Variants in LAMC2 observed in about 807,000 individuals in gnomAD.
The protein encoded by LAMC2 is laminin subunit gamma 2, also known as laminin subunit gamma-2.
Under a neutral mutation model 140.2 loss-of-function variants are expected in LAMC2, and 97 were observed. The ratio of observed to expected loss-of-function variants is 0.69; its 90% CI spans 0.59 to 0.82. The LOEUF is 0.82. LAMC2 is among the 40% of genes least tolerant of loss of function. LAMC2 has a pLI of 0.00. For synonymous variants in LAMC2, 513 were observed against 540.2 expected (o/e 0.95, Z 0.70); for missense variants, 1,402 against 1,476.1 (o/e 0.95, Z 0.82).
In LAMC2 at chr1:183,218,292, C is replaced by T. The variant is rs562819538; in HGVS notation, c.405-98C>T. ...GAAGCCTCATCGAAGAAGGACTGCCCAGCTTCGTGATGTTTGCTCATGAGC... is the reference window on the plus strand; with the variant it reads ...GAAGCCTCATCGAAGAAGGACTGCCTAGCTTCGTGATGTTTGCTCATGAGC... On this transcript the variant is annotated intron_variant, in intron 3 of 22. Transcript: ENST00000264144. 4.6e-4 allele frequency: 451 copies of T among 980,094 alleles called. 1 individual carries two copies. The highest frequency in any genetic ancestry group is 6.5e-4 in the Non-Finnish European group (398 of 615,646). The allele number at this position is 980,094 out of a possible 1,614,324, so 60.7% of individuals were successfully genotyped here.
At chr1:183,249,928 C>T (rs1363211807), downstream of LAMC2, 1 of 152,124 alleles carries the variant, frequency 6.6e-6, no homozygotes, top group Non-Finnish European at 1.5e-5. Flanking sequence ...CACTTTCCCT[C>T]CCCACTCCCA....
chr1:183,200,835 C>T (rs545595499), intron 1 of LAMC2, among the ~76,000 whole-genome samples: 4 of 152,240 alleles, frequency 2.6e-5, no homozygotes, highest in Admixed American at 2.6e-4. Context: ...GCCTGGCGGT[C>T]TTTCCTAAGA....
chr1:183,218,564 G>A, intron 4 of LAMC2, 76 bp downstream of exon 4: 1 of 1,109,270 alleles, frequency 9.0e-7, no homozygotes, highest in Non-Finnish European at 1.4e-6. Flanking sequence ...TCCTCCGAGT[G>A]TAATTATGGA....
At chr1:183,232,071 C>G (rs1477108251) in intron 12 of LAMC2, 116 bp from the exon 13 acceptor site, 1 of 1,334,520 alleles carries the variant, frequency 7.5e-7, no homozygotes, top group Non-Finnish European at 1.1e-6. Flanking sequence ...TTTTAACCAC[C>G]ATGACATGCT....
Position 183,223,139 on chromosome 1 carries a change from A to G in LAMC2, c.768A>G (p.Lys256=), listed in dbSNP as rs143871142. The change falls in exon 7 of 23, where the codon AAA becomes AAG. Residue 256 remains lysine (K), a synonymous_variant. Coordinates refer to ENST00000264144, the MANE Select transcript of LAMC2 (RefSeq NM_005562.3). ...TTTTAAAACTCTGTTTCACAGCCAA[A>G]TTTCTTGGGAATCAACAGGTGAGCT... ...LDPVYFVAPA[K]FLGNQQVSYG... is the part of the protein sequence containing the mutation. 1.2e-5 allele frequency: 20 copies of G among 1,613,918 alleles called. No individual in the cohort carries two copies. Among genetic ancestry groups the G allele is most frequent in the Admixed American group, 1.7e-5 (1 of 60,006 alleles).
chr1:183,238,189 C>A, intron 18 of LAMC2, 118 bp from the exon 19 acceptor site: 2 of 751,178 alleles, frequency 2.7e-6, no homozygotes, highest in South Asian at 1.5e-5. Flanking sequence ...TTTGCTACAG[C>A]ACCCCTAGAC....
At chr1:183,252,912 GGTGACA>G in the LAMC2 span, among the ~76,000 whole-genome samples, 1 of 152,162 alleles carries the variant, frequency 6.6e-6, no homozygotes, top group Non-Finnish European at 1.5e-5. Context: ...TCCCCACCTT[GGTGACA>G]TCATTCATCG....
At chr1:183,224,705 C>CAG (rs1558091696) in intron 7 of LAMC2, among the ~76,000 whole-genome samples, 1 of 148,920 alleles carries the variant, frequency 6.7e-6, no homozygotes, top group Non-Finnish European at 1.5e-5. Flanking sequence ...CACACACACA[C>CAG]ACAGCTCTCC....
chr1:183,219,898 C>T (rs1461379381), intron 4 of LAMC2, among the ~76,000 whole-genome samples: 1 of 152,194 alleles, frequency 6.6e-6, no homozygotes, highest in Non-Finnish European at 1.5e-5. Context: ...CAGCCATGTA[C>T]CTGCTATATG....
chr1:183,230,294 T>C (rs1217581995), intron 11 of LAMC2, among the ~76,000 whole-genome samples: 2 of 152,176 alleles, frequency 1.3e-5, no homozygotes, highest in Non-Finnish European at 1.5e-5. Context: ...TACACAAATA[T>C]GTATGCAAAT....
intron 12 of LAMC2, 108 bp from the exon 13 acceptor site, chr1:183,232,079 G>A: frequency 4.3e-6 from 6 of 1,398,248 alleles, no homozygotes; most frequent in East Asian, 2.3e-5. Flanking sequence ...ACCATGACAT[G>A]CTAAGCATTT....
At position 183,223,331 on chromosome 1, in the gene LAMC2, A is replaced by G. The variant is rs1245970324; in HGVS notation, c.953+7A>G. On this transcript the variant is annotated splice_region_variant and intron_variant, in intron 7 of 22. Transcript: ENST00000264144. Reference sequence around the variant, plus strand: ...CCAAGACTTACACATTCAGGTAAAAAGAGAGACCATAAGTAGGTCAATTAG... The same window carrying G: ...CCAAGACTTACACATTCAGGTAAAAGGAGAGACCATAAGTAGGTCAATTAG... 6.8e-6 allele frequency: 11 copies of G among 1,613,824 alleles called. No homozygotes were observed. Among genetic ancestry groups the G allele is most frequent in the Non-Finnish European group, 9.3e-6 (11 of 1,179,810 alleles).
At position 183,226,704 on chromosome 1, in the gene LAMC2, G is replaced by T. The variant is rs768839308; in HGVS notation, c.1073G>T (p.Gly358Val). ...IRATYGEYSTGYIDNVTLISA... is the reference protein window; with the variant it reads ...IRATYGEYSTVYIDNVTLISA... ...CCTGTTCTCTCGATTGCAGGTACTG[G>T]GTACATTGACAATGTGACCCTGATT... Residue 358 changes from glycine to valine, a missense_variant, in exon 9 of 23, where the codon GGG becomes GTG. Gly to Val is a moderately radical substitution (Grantham distance 109). This residue lies in a region of LAMC2 where 723 missense variants were observed against 783.3 expected (regional missense o/e 0.92). Transcript: ENST00000264144. 3.7e-6 allele frequency: 6 copies of T among 1,614,002 alleles called. No individual in the cohort carries two copies. The highest frequency in any genetic ancestry group is 5.1e-6 in the Non-Finnish European group (6 of 1,179,982).
rs2296306 is a variant in LAMC2, at chr1:183,222,189, C to A, written c.741C>A (p.Asp247Glu). The A allele has an allele frequency of 0.043, 69,981 of 1,613,250 alleles. 2,108 individuals are homozygous for A. The highest frequency in any genetic ancestry group is 0.11 in the South Asian group (9,588 of 91,024). Reference sequence around the variant, plus strand: ...TGTTTAGCTCAGCCCAACGACTAGACCCTGTCTATTTTGTGGCTCCTGGTA... The same window carrying A: ...TGTTTAGCTCAGCCCAACGACTAGAACCTGTCTATTTTGTGGCTCCTGGTA... The part of the protein sequence containing the change: ...QDVFSSAQRL[D>E]PVYFVAPAKF... Residue 247 changes from aspartate to glutamate, a missense_variant, in exon 6 of 23, where the codon GAC (aspartate) becomes GAA (glutamate). Transcript: ENST00000264144.
At chr1:183,218,606 CT>C in intron 4 of LAMC2, 118 bp downstream of exon 4, 3 of 792,160 alleles carry the variant, frequency 3.8e-6, no homozygotes, top group Non-Finnish European at 6.6e-6. Flanking sequence ...TGATGACCTT[CT>C]TCCTGCTCTC....
chr1:183,195,338 G>A (rs3768610), intron 1 of LAMC2, among the ~76,000 whole-genome samples: 13,398 of 152,096 alleles, frequency 0.088, 728 homozygotes, highest in East Asian at 0.19. Context: ...TGAAACAGGT[G>A]TCTCCTCTGA....
chr1:183,247,222 G>A (rs932331240), downstream of LAMC2, among the ~76,000 whole-genome samples: 5 of 152,174 alleles, frequency 3.3e-5, no homozygotes, highest in Non-Finnish European at 7.3e-5. Context: ...TGAGGCAGGA[G>A]AATCACTTGA....
chr1:183,196,878 T>G (rs1658536566), intron 1 of LAMC2, among the ~76,000 whole-genome samples: 2 of 152,198 alleles, frequency 1.3e-5, no homozygotes, highest in Non-Finnish European at 2.9e-5. Context: ...AGACATAAAA[T>G]GAAGTGTATG....
At chr1:183,221,084 G>A (rs567788212) in intron 5 of LAMC2, 123 bp downstream of exon 5, 1 of 969,332 alleles carries the variant, frequency 1.0e-6, no homozygotes, top group Admixed American at 2.1e-5. Flanking sequence ...AGTATTGAAT[G>A]TACATTATTT....
Sources: allele counts gnomAD v4.1 joint callset (sites outside exome capture counted in the v4.1 genomes callset), GRCh38; gene constraint gnomAD v4.1.1; regional missense constraint gnomAD v4.1.1; transcripts MANE v1.5; gene names NCBI Gene and HGNC (gene_info 2026-07-23, HGNC 2026-07-21).